Variants in C3AR1 observed in about 807,000 individuals in gnomAD.
C3AR1 encodes the protein C3a anaphylatoxin chemotactic receptor.
For synonymous variants in C3AR1, 208 were observed against 225.3 expected (o/e 0.92, Z 0.69); for missense variants, 579 against 583.5 (o/e 0.99, Z 0.08).
Position 8,057,369 on chromosome 12 carries a change from T to C in C3AR1, c.*1368A>G, listed in dbSNP as rs1311160624. Among the ~76,000 whole-genome samples the C allele has an allele frequency of 1.3e-5, 2 of 152,092 alleles. No individual in the cohort carries two copies. Among genetic ancestry groups the C allele is most frequent in the African/African-American group, 4.8e-5 (2 of 41,422 alleles). ...AATGTTGGGATGCTGGATAAACAAA[T>C]TAAAAATATGGGGTGCTTGGATAAA... On this transcript the variant is annotated 3_prime_UTR_variant, in exon 2 of 2. Transcript: ENST00000307637.
chr12:8,063,644 T>G (rs1405844863), intron 1 of C3AR1, among the ~76,000 whole-genome samples: 2 of 152,238 alleles, frequency 1.3e-5, no homozygotes, highest in Non-Finnish European at 2.9e-5. Flanking sequence ...ACATTTTATC[T>G]TGTACAATAA....
intron 1 of C3AR1, among the ~76,000 whole-genome samples, chr12:8,062,475 T>C (rs890528561): frequency 6.6e-6 from 1 of 152,052 alleles, no homozygotes; most frequent in Non-Finnish European, 1.5e-5. Context: ...TTTTATATGA[T>C]TATTTTTCAA....
chr12:8,059,810 T>G lies in C3AR1; in HGVS notation c.376A>C (p.Lys126Gln). 2 of 1,613,942 alleles carry G rather than the reference T, an allele frequency of 1.2e-6. No homozygotes were observed. The highest frequency in any genetic ancestry group is 2.2e-5 in the South Asian group (2 of 91,064). The change falls in exon 2 of 2, where the codon AAG becomes CAG. Residue 126 changes from lysine to glutamine, a missense_variant. Coordinates refer to ENST00000307637, the MANE Select transcript of C3AR1 (RefSeq NM_004054.4). ...ISLDRCLVVF[K>Q]PIWCQNHRNV... ...CGATGATTCTGACACCAGATTGGCTTGAATACCACAAGACAGCGATCCAGG... is the reference window on the plus strand; with the variant it reads ...CGATGATTCTGACACCAGATTGGCTGGAATACCACAAGACAGCGATCCAGG...
intron 1 of C3AR1, among the ~76,000 whole-genome samples, chr12:8,064,819 C>A (rs981577088): frequency 2.0e-5 from 3 of 152,132 alleles, no homozygotes; most frequent in South Asian, 4.2e-4. Context: ...GATGCTAGGG[C>A]TGAAAGAAAA....
At chr12:8,060,348 G>A (rs186124886) in intron 1 of C3AR1, among the ~76,000 whole-genome samples, 153 bp from the exon 2 acceptor site, 43 of 152,148 alleles carry the variant, frequency 2.8e-4, no homozygotes, top group African/African-American at 9.2e-4. Flanking sequence ...CACCTCACAC[G>A]GGACCACATA....
rs1437456172 is a variant in C3AR1, at chr12:8,058,861, A to C, written c.1325T>G (p.Phe442Cys). Reference protein sequence around the residue: ...PFLYALLGKDFRKKARQSIQG... With the variant: ...PFLYALLGKDCRKKARQSIQG... ...AATGGACTGCCTTGCTTTCTTCCTA[A>C]AATCTTTCCCCAAGAGGGCATAAAG... The change falls in exon 2 of 2, where the codon TTT (phenylalanine) becomes TGT (cysteine). Residue 442 changes from phenylalanine (F) to cysteine (C), a missense_variant. Transcript: ENST00000307637. 5.0e-6 allele frequency: 8 copies of C among 1,614,042 alleles called. No homozygotes were observed. Among genetic ancestry groups the C allele is most frequent in the Non-Finnish European group, 6.8e-6 (8 of 1,180,036 alleles).
Position 8,058,587 on chromosome 12 carries a change from G to T in C3AR1, c.*150C>A. 1 of 816,926 alleles carries T rather than the reference G, an allele frequency of 1.2e-6. No homozygotes were observed. Among genetic ancestry groups the T allele is most frequent in the Non-Finnish European group, 1.9e-6 (1 of 520,334 alleles). 50.6% of individuals were successfully genotyped at this position (816,926 alleles called of 1,614,324 possible). On this transcript the variant is annotated 3_prime_UTR_variant, in exon 2 of 2. Transcript: ENST00000307637. ...TTCTAACAAGTTTCTAGGTGATGCT[G>T]ATGTCAATAGTCTGTGTACCGTTTG...
rs2072449 is a variant in C3AR1 at position 8,058,041 on chromosome 12, A to T, written c.*696T>A. ...TAACATTTCATGAGTCAGTTTTCAC[A>T]CAATAGATGCTTATTTAGTTGTAAT... On this transcript the variant is annotated 3_prime_UTR_variant, in exon 2 of 2. Transcript: ENST00000307637. Among the ~76,000 whole-genome samples, 1 of 151,946 alleles carries T rather than the reference A, an allele frequency of 6.6e-6. No homozygotes were observed. The highest frequency in any genetic ancestry group is 1.5e-5 in the Non-Finnish European group (1 of 68,000).
At chr12:8,064,944 A>G (rs996343806) in intron 1 of C3AR1, among the ~76,000 whole-genome samples, 1 of 151,856 alleles carries the variant, frequency 6.6e-6, no homozygotes, top group South Asian at 2.1e-4. Context: ...AAACTCCTGG[A>G]CTCAAGCAAT....
rs1947194012 is a variant in C3AR1, at chr12:8,056,846, C to G, written c.*1891G>C. Among the ~76,000 whole-genome samples, 1 of 152,120 alleles carries G rather than the reference C, an allele frequency of 6.6e-6. No individual in the cohort carries two copies. Among genetic ancestry groups the G allele is most frequent in the Admixed American group, 6.5e-5 (1 of 15,274 alleles). On this transcript the variant is annotated 3_prime_UTR_variant, in exon 2 of 2. Coordinates refer to ENST00000307637, the MANE Select transcript of C3AR1 (RefSeq NM_004054.4). The stretch of plus-strand genomic sequence containing the variant: ...ATTCTGAATGTGAAACAAAAGGATT[C>G]ATAAATCTCTGAGCCTCGCAAGGAC...
At chr12:8,064,933 C>T (rs1373107817) in intron 1 of C3AR1, among the ~76,000 whole-genome samples, 2 of 151,864 alleles carry the variant, frequency 1.3e-5, no homozygotes, top group Non-Finnish European at 2.9e-5. Context: ...AAGCTGCTCT[C>T]AAACTCCTGG....
At position 8,059,778 on chromosome 12, in the gene C3AR1, T is replaced by C. The variant is rs1250742363; in HGVS notation, c.408A>G (p.Val136=). The change falls in exon 2 of 2, where the codon GTA becomes GTG. Residue 136 remains valine, a synonymous_variant. Coordinates refer to ENST00000307637, the MANE Select transcript of C3AR1 (RefSeq NM_004054.4). ...KPIWCQNHRN[V]GMACSICGCI... ...ATCCACAGATAGAGCAGGCCATCCC[T>C]ACATTGCGATGATTCTGACACCAGA... 6.2e-7 allele frequency: 1 copy of C among 1,613,880 alleles called. No homozygotes were observed. Among genetic ancestry groups the C allele is most frequent in the Non-Finnish European group, 8.5e-7 (1 of 1,179,970 alleles).
chr12:8,063,683 G>A (rs1591588534), intron 1 of C3AR1, among the ~76,000 whole-genome samples: 1 of 151,824 alleles, frequency 6.6e-6, no homozygotes, highest in Non-Finnish European at 1.5e-5. Context: ...CTATTATTCT[G>A]GATTTAAACT....
In C3AR1 at chr12:8,059,843, C is replaced by A; in HGVS notation, c.343G>T (p.Ala115Ser). The change falls in exon 2 of 2, where the codon GCC becomes TCC. Residue 115 changes from alanine (A) to serine (S), a missense_variant. Ala to Ser is a moderately conservative substitution (Grantham distance 99). Coordinates refer to ENST00000307637, the MANE Select transcript of C3AR1 (RefSeq NM_004054.4). Reference protein sequence around the residue: ...NMFASVFLLTAISLDRCLVVF... With the variant: ...NMFASVFLLTSISLDRCLVVF... ...ACAAGACAGCGATCCAGGCTAATGG[C>A]AGTAAGCAGGAAGACACTGGCAAAC... 2 of 1,614,006 alleles carry A rather than the reference C, an allele frequency of 1.2e-6. No individual in the cohort carries two copies. Among genetic ancestry groups the A allele is most frequent in the East Asian group, 4.5e-5 (2 of 44,896 alleles).
chr12:8,059,286 A>G lies in C3AR1; in HGVS notation c.900T>C (p.Ala300=). The stretch of plus-strand genomic sequence containing the variant: ...CAGACTCGTAGAAGGAATTGCTAGA[A>G]GCGCTAGGGAACAGCTTTAAATGAG... ...LSTHLKLFPS[A]SSNSFYESEL... is the part of the protein sequence containing the mutation. Residue 300 remains alanine (A), a synonymous_variant, in exon 2 of 2, where the codon GCT becomes GCC. Transcript: ENST00000307637. 9 of 1,614,210 alleles carry G rather than the reference A, an allele frequency of 5.6e-6. No individual in the cohort carries two copies. Among genetic ancestry groups the G allele is most frequent in the Non-Finnish European group, 7.6e-6 (9 of 1,180,026 alleles).
chr12:8,063,164 G>C (rs964551426), intron 1 of C3AR1, among the ~76,000 whole-genome samples: 2 of 149,920 alleles, frequency 1.3e-5, no homozygotes, highest in African/African-American at 4.9e-5. Flanking sequence ...CACCATGTTA[G>C]CCAGGATGAT....
chr12:8,059,626 A>G lies in C3AR1; in HGVS notation c.560T>C (p.Phe187Ser), dbSNP rs748433256. Residue 187 changes from phenylalanine (F) to serine (S), a missense_variant, in exon 2 of 2, where the codon TTT becomes TCT. Physicochemically the swap from Phe to Ser is radical, Grantham distance 155. Coordinates refer to ENST00000307637, the MANE Select transcript of C3AR1 (RefSeq NM_004054.4). ...GLSSSLDYPDFYGDPLENRSL... is the reference protein window; with the variant it reads ...GLSSSLDYPDSYGDPLENRSL... ...CCTGTTTTCTAGTGGATCTCCATAA[A>G]AGTCTGGATAATCTAATGAGCTGGA... The G allele has an allele frequency of 1.9e-6, 3 of 1,613,996 alleles. No homozygotes were observed. The East Asian group carries it at 6.7e-5, about 36-fold the overall frequency.
At chr12:8,061,558 G>A (rs1332966943) in intron 1 of C3AR1, among the ~76,000 whole-genome samples, 1 of 152,052 alleles carries the variant, frequency 6.6e-6, no homozygotes, top group African/African-American at 2.4e-5. Context: ...TGCCTCCCGG[G>A]TTCAAGCAAT....
rs1327444981 is a variant in C3AR1, at chr12:8,057,932, A to G, written c.*805T>C. Among the ~76,000 whole-genome samples the G allele has an allele frequency of 6.6e-6, 1 of 152,224 alleles. No homozygotes were observed. Among genetic ancestry groups the G allele is most frequent in the Non-Finnish European group, 1.5e-5 (1 of 68,034 alleles). ...AGGCTGGGGAGTAATAAGGAAATTA[A>G]GGAGCTTAGGAAGAGGAGTGGAAAA... On this transcript the variant is annotated 3_prime_UTR_variant, in exon 2 of 2. Coordinates refer to ENST00000307637, the MANE Select transcript of C3AR1 (RefSeq NM_004054.4).
Sources: gnomAD v4.1 joint callset for allele counts (sites outside exome capture counted in the v4.1 genomes callset) on GRCh38, gnomAD v4.1.1 for gene constraint, MANE v1.5 for transcripts, NCBI Gene and HGNC (gene_info 2026-07-23, HGNC 2026-07-21) for gene names.